Variants in CLVS2 observed in about 807,000 individuals in gnomAD.
CLVS2 encodes clavesin-2.
Under a neutral mutation model 29.0 loss-of-function variants are expected in CLVS2, and 19 were observed. The ratio of observed to expected loss-of-function variants is 0.66; its 90% CI spans 0.46 to 0.96. CLVS2 has a LOEUF of 0.96. Among genes scored for constraint, CLVS2 ranks in the 40% least tolerant of loss-of-function variants. The pLI, the probability that CLVS2 is intolerant of heterozygous loss-of-function variation, is 0.00. For missense variants in CLVS2, 294 were observed against 404.1 expected (o/e 0.73, Z 2.34); for synonymous variants, 161 against 151.3 (o/e 1.06, Z -0.47).
At chr6:123,058,559 C>A (rs1008800613) in intron 5 of CLVS2, among the ~76,000 whole-genome samples, 1 of 152,316 alleles carries the variant, frequency 6.6e-6, no homozygotes, top group South Asian at 2.1e-4. Flanking sequence ...GCCTTACCTG[C>A]TCCCCTACTC....
At chr6:123,041,715 C>A (rs1012129361) in intron 3 of CLVS2, among the ~76,000 whole-genome samples, 5 of 152,048 alleles carry the variant, frequency 3.3e-5, no homozygotes, top group Admixed American at 2.0e-4. Flanking sequence ...ATTCTGTTGA[C>A]TACACTTAAG....
intron 3 of CLVS2, among the ~76,000 whole-genome samples, chr6:123,034,149 T>C (rs751674418): frequency 5.3e-5 from 8 of 152,118 alleles, no homozygotes; most frequent in Non-Finnish European, 8.8e-5. Context: ...GGAAAACAAT[T>C]GGCAGTTTTC....
chr6:123,019,262 G>C (rs1430429469), intron 3 of CLVS2, among the ~76,000 whole-genome samples: 1 of 152,058 alleles, frequency 6.6e-6, no homozygotes, highest in African/African-American at 2.4e-5. Flanking sequence ...GTGGGCACCT[G>C]TACTCTCTTT....
At chr6:123,020,939 C>G (rs1376311549) in intron 3 of CLVS2, among the ~76,000 whole-genome samples, 1 of 151,792 alleles carries the variant, frequency 6.6e-6, no homozygotes, top group African/African-American at 2.4e-5. Context: ...CATCTTAGCT[C>G]TTGCTCGAAT....
intron 3 of CLVS2, among the ~76,000 whole-genome samples, chr6:123,021,018 G>C (rs1226354638): frequency 2.1e-5 from 3 of 146,136 alleles, no homozygotes; most frequent in Admixed American, 6.8e-5. Flanking sequence ...AATCTTAAGG[G>C]CTTTTGTCAT....
intron 2 of CLVS2, among the ~76,000 whole-genome samples, chr6:123,002,980 T>G (rs1036926092): frequency 6.6e-6 from 1 of 152,204 alleles, no homozygotes; most frequent in Non-Finnish European, 1.5e-5. Flanking sequence ...GAAACTCTTT[T>G]AACAAATCCT....
chr6:123,026,387 C>A (rs1582652135), intron 3 of CLVS2, among the ~76,000 whole-genome samples: 1 of 152,064 alleles, frequency 6.6e-6, no homozygotes, highest in East Asian at 1.9e-4. Context: ...AAAAGTAAAG[C>A]AAATTATTTT....
intron 5 of CLVS2, among the ~76,000 whole-genome samples, chr6:123,056,389 C>T (rs1772693576): frequency 6.6e-6 from 1 of 152,166 alleles, no homozygotes; most frequent in Non-Finnish European, 1.5e-5. Flanking sequence ...CATCCTGCCT[C>T]ATCCCAGTGC....
chr6:123,030,959 G>A (rs1050695795), intron 3 of CLVS2, among the ~76,000 whole-genome samples: 1 of 151,228 alleles, frequency 6.6e-6, no homozygotes, highest in African/African-American at 2.4e-5. Flanking sequence ...TTGAGGCAGG[G>A]TTTCACTCTG....
chr6:123,055,214 A>C (rs928556763), intron 4 of CLVS2, among the ~76,000 whole-genome samples: 1 of 152,234 alleles, frequency 6.6e-6, no homozygotes, highest in African/African-American at 2.4e-5. Context: ...CCTTTGGGAC[A>C]TGAACTTCAC....
chr6:123,058,522 A>T (rs1464490982), intron 5 of CLVS2, among the ~76,000 whole-genome samples: 1 of 152,138 alleles, frequency 6.6e-6, no homozygotes, highest in East Asian at 1.9e-4. Context: ...CCCCCTAAAA[A>T]TTATTTAACT....
Position 123,055,852 on chromosome 6 carries a change from A to T in CLVS2, c.722A>T (p.His241Leu). 1 of 1,614,096 alleles carries T rather than the reference A, an allele frequency of 6.2e-7. No individual in the cohort carries two copies. Among genetic ancestry groups the T allele is most frequent in the Non-Finnish European group, 8.5e-7 (1 of 1,180,000 alleles). Residue 241 changes from histidine (H) to leucine (L), a missense_variant, in exon 5 of 6, where the codon CAT becomes CTT. His to Leu is a moderately conservative substitution (Grantham distance 99, BLOSUM62 -3). Transcript: ENST00000275162. ...NNLNSLHQLI[H>L]PEILPSEFGG... ...CTGAACAGTCTACACCAACTAATTC[A>T]TCCTGAGATCCTGCCCTCTGAGTTT...
At chr6:123,050,634 G>A (rs1227874629) in intron 4 of CLVS2, among the ~76,000 whole-genome samples, 1 of 152,112 alleles carries the variant, frequency 6.6e-6, no homozygotes, top group Non-Finnish European at 1.5e-5. Context: ...ATGAGCTATG[G>A]GGGCAGATGA....
intron 2 of CLVS2, among the ~76,000 whole-genome samples, chr6:122,999,251 G>A (rs1774555073): frequency 6.6e-6 from 1 of 152,176 alleles, no homozygotes; most frequent in Admixed American, 6.5e-5. Flanking sequence ...CAGTTACCAA[G>A]AGGGCTTATG....
chr6:123,002,159 T>C (rs896408805), intron 2 of CLVS2, among the ~76,000 whole-genome samples: 1 of 152,184 alleles, frequency 6.6e-6, no homozygotes, highest in African/African-American at 2.4e-5. Context: ...CAAACACAGT[T>C]AGAACCAAAA....
Position 123,072,383 on chromosome 6 carries a change from A to G in CLVS2, c.*8622A>G, listed in dbSNP as rs947758805. On this transcript the variant is annotated 3_prime_UTR_variant, in exon 6 of 6. Coordinates refer to ENST00000275162, the MANE Select transcript of CLVS2 (RefSeq NM_001010852.4). ...TTCCTCTTTGTGTGCTATGTAGGAC[A>G]TTGTTAACCAATATAGATTATGTTT... The G allele has an allele frequency of 6.6e-6, 1 of 152,120 alleles. No homozygotes were observed. The highest frequency in any genetic ancestry group is 1.5e-5 in the Non-Finnish European group (1 of 67,974). 9.4% of individuals were successfully genotyped at this position (152,120 alleles called of 1,614,324 possible). A position where few individuals can be genotyped will look rare whatever the true frequency, so the allele number is the denominator to read the frequency against.
chr6:123,036,781 C>T (rs1228440125), intron 3 of CLVS2, among the ~76,000 whole-genome samples: 1 of 152,084 alleles, frequency 6.6e-6, no homozygotes, highest in Non-Finnish European at 1.5e-5. Flanking sequence ...ATCTTTAGAT[C>T]CTCTCAAGCT....
intron 3 of CLVS2, among the ~76,000 whole-genome samples, chr6:123,029,799 G>T (rs1775057142): frequency 6.6e-6 from 1 of 152,108 alleles, no homozygotes; most frequent in Non-Finnish European, 1.5e-5. Flanking sequence ...ACATGCAGTT[G>T]GTTCACTTTA....
intron 3 of CLVS2, among the ~76,000 whole-genome samples, chr6:123,017,789 G>C (rs1774859876): frequency 2.0e-5 from 3 of 152,050 alleles, no homozygotes; most frequent in Admixed American, 1.3e-4. Flanking sequence ...GCCTATGTAT[G>C]TACATATAAT....
Sources: allele counts gnomAD v4.1 joint callset (sites outside exome capture counted in the v4.1 genomes callset), GRCh38; gene constraint gnomAD v4.1.1; transcripts MANE v1.5; gene names NCBI Gene and HGNC (gene_info 2026-07-23, HGNC 2026-07-21).